The following GHRHR variants were observed in gnomAD, a reference collection of about 807,000 sequenced individuals.
GHRHR encodes growth hormone releasing hormone receptor.
GHRHR carries 40 observed loss-of-function variants against 58.3 expected under a neutral mutation model. That is an observed-to-expected ratio of 0.69 (90% CI 0.53 to 0.89). The LOEUF (loss-of-function observed/expected upper bound fraction) is 0.89. Ranked by LOEUF, GHRHR falls within the 40% of genes least tolerant of loss-of-function variation. GHRHR has a pLI of 0.00. For synonymous variants in GHRHR, 249 were observed against 216.6 expected (o/e 1.15, Z -1.31); for missense variants, 551 against 541.3 (o/e 1.02, Z -0.18).
intron 7 of GHRHR, 52 bp downstream of exon 7, chr7:30,974,190 G>A (rs757013451): frequency 6.3e-7 from 1 of 1,582,362 alleles, no homozygotes; most frequent in South Asian, 1.1e-5. Flanking sequence ...GGCTGGAAAG[G>A]CCCAGGGAGT....
chr7:30,968,248 G>T (rs2128596972), intron 1 of GHRHR, among the ~76,000 whole-genome samples: 1 of 152,256 alleles, frequency 6.6e-6, no homozygotes, highest in Middle Eastern at 3.4e-3. Context: ...GGACATCTTT[G>T]GGGGCCATTA....
chr7:30,969,011 G>T lies in GHRHR; in HGVS notation c.161-52G>T, dbSNP rs373112876. The T allele has an allele frequency of 3.2e-5, 50 of 1,541,216 alleles. No homozygotes were observed. In the Middle Eastern group the frequency reaches 6.7e-4, roughly 21 times the overall value. On this transcript the variant is annotated intron_variant, in intron 2 of 12. Coordinates refer to ENST00000326139, the MANE Select transcript of GHRHR (RefSeq NM_000823.4). ...TCCAGCCTCACCCCTCGGATTATTG[G>T]GACAGCCCTGCACCTGGGCTGAGTC...
In GHRHR at chr7:30,969,051, CT is replaced by C. The variant is rs1562592831; in HGVS notation, c.161-11del. ...TGGGCTGAGTCTCTGCTGCTCCTGG[CT>C]CTCTATCCAGGCTGCCCTGCGACCT... On this transcript the variant is annotated splice_polypyrimidine_tract_variant and intron_variant, in intron 2 of 12. Transcript: ENST00000326139. The C allele has an allele frequency of 6.4e-7, 1 of 1,571,232 alleles. No homozygotes were observed. The highest frequency in any genetic ancestry group is 1.9e-5 in the Admixed American group (1 of 53,766).
Position 30,971,950 on chromosome 7 carries a change from C to A in GHRHR, c.465-13C>A, listed in dbSNP as rs565915585. On this transcript the variant is annotated splice_polypyrimidine_tract_variant and intron_variant, in intron 5 of 12. Transcript: ENST00000326139. ...GCTTGCTTCTTGTTCCTCATTTCTC[C>A]CATTACCCCCAGGAGGCTCCACTGC... 5 of 1,613,538 alleles carry A rather than the reference C, an allele frequency of 3.1e-6. No individual in the cohort carries two copies. In the East Asian group the frequency reaches 8.9e-5, roughly 29 times the overall value.
Position 30,971,114 on chromosome 7 carries a change from C to G in GHRHR, c.367-5C>G. The G allele has an allele frequency of 7.5e-7, 1 of 1,327,636 alleles. No homozygotes were observed. Among genetic ancestry groups the G allele is most frequent in the Non-Finnish European group, 1.1e-6 (1 of 941,856 alleles). 82.2% of individuals were successfully genotyped at this position (1,327,636 alleles called of 1,614,324 possible). The stretch of plus-strand genomic sequence containing the variant: ...GAGACTTTCTTCTGTCTCTGCCCTT[C>G]CCAGGAATCTTACTTCTCCACAGTG... On this transcript the variant is annotated splice_region_variant and splice_polypyrimidine_tract_variant and intron_variant, in intron 4 of 12. Transcript: ENST00000326139.
rs780426452 is a variant in GHRHR, at chr7:30,976,480, C to T, written c.1026C>T (p.Tyr342=). 46 of 1,612,762 alleles carry T rather than the reference C, an allele frequency of 2.9e-5. No homozygotes were observed. Among genetic ancestry groups the T allele is most frequent in the Non-Finnish European group, 3.7e-5 (44 of 1,178,916 alleles). The part of the protein sequence containing the change: ...LFLIPLFGIH[Y]IIFNFLPDNA... Reference sequence around the variant, plus strand: ...TGATCCCACTCTTTGGAATTCACTACATCATCTTCAACTTCCTGCCAGACA... The same window carrying T: ...TGATCCCACTCTTTGGAATTCACTATATCATCTTCAACTTCCTGCCAGACA... The change falls in exon 11 of 13, where the codon TAC becomes TAT. Residue 342 remains tyrosine, a synonymous_variant. Transcript: ENST00000326139.
intron 9 of GHRHR, 23 bp from the exon 10 acceptor site, chr7:30,975,754 C>G: frequency 6.8e-7 from 1 of 1,465,380 alleles, no homozygotes; most frequent in Non-Finnish European, 9.6e-7. Context: ...TTGTCTTCCA[C>G]CTTCCTATGC....
At chr7:30,970,015 G>A (rs779321000) in intron 4 of GHRHR, 51 bp downstream of exon 4, 1 of 823,308 alleles carries the variant, frequency 1.2e-6, no homozygotes, top group South Asian at 1.3e-5. Context: ...ACATTTGTAT[G>A]GGTGGGTGCA....
intron 3 of GHRHR, 80 bp from the exon 4 acceptor site, chr7:30,969,787 C>A: frequency 7.3e-7 from 1 of 1,373,996 alleles, no homozygotes; most frequent in Non-Finnish European, 1.0e-6. Flanking sequence ...GCCAGGGTCA[C>A]TTGATGGTCC....
At chr7:30,965,981 C>G (rs1428618991) in intron 1 of GHRHR, among the ~76,000 whole-genome samples, 1 of 152,182 alleles carries the variant, frequency 6.6e-6, no homozygotes, top group Non-Finnish European at 1.5e-5. Flanking sequence ...GGGCACCCAC[C>G]AAAATAAGAC....
At chr7:30,967,478 C>T (rs76161416) in intron 1 of GHRHR, among the ~76,000 whole-genome samples, 5,657 of 152,278 alleles carry the variant, frequency 0.037, 168 homozygotes, top group African/African-American at 0.081. Flanking sequence ...TATAATCTTT[C>T]AAGGTTGCTC....
At chr7:30,967,209 G>A (rs937828692) in intron 1 of GHRHR, among the ~76,000 whole-genome samples, 3 of 152,172 alleles carry the variant, frequency 2.0e-5, no homozygotes, top group Middle Eastern at 3.2e-3. Flanking sequence ...GGTTTGGGGC[G>A]GTGGGAGGGA....
At position 30,972,064 on chromosome 7, in the gene GHRHR, GCGA is replaced by G. The variant is rs528011334; in HGVS notation, c.571_573del (p.Asp191del). ...CTGAAGGATGCTGCCCTTTTCCACAGCGACGACACTGACCACTGCAGCTTCTCC... is the reference window on the plus strand; with the variant it reads ...CTGAAGGATGCTGCCCTTTTCCACAGCGACACTGACCACTGCAGCTTCTCC... On this transcript the variant is annotated inframe_deletion, in exon 6 of 13. Coordinates refer to ENST00000326139, the MANE Select transcript of GHRHR (RefSeq NM_000823.4). 2 of 1,614,076 alleles carry G rather than the reference GCGA, an allele frequency of 1.2e-6. No individual in the cohort carries two copies. The highest frequency in any genetic ancestry group is 2.2e-5 in the South Asian group (2 of 91,074).
At chr7:30,976,116 G>T (rs1792580164) in intron 10 of GHRHR, 2 of 579,110 alleles carry the variant, frequency 3.5e-6, no homozygotes, top group South Asian at 2.0e-5. Flanking sequence ...ATGGGAGCCT[G>T]GGGAGAGGGA....
In GHRHR at chr7:30,979,149, G is replaced by T; in HGVS notation, c.1177G>T (p.Gly393Cys). ...VRTEISRKWHGHDPELLPAWR... is the reference protein window; with the variant it reads ...VRTEISRKWHCHDPELLPAWR... ...GACTGAGATCTCACGGAAGTGGCAT[G>T]GCCATGACCCTGAGCTTCTGCCAGC... The change falls in exon 13 of 13, where the codon GGC becomes TGC. Residue 393 changes from glycine to cysteine, a missense_variant. Transcript: ENST00000326139. 1 of 1,613,562 alleles carries T rather than the reference G, an allele frequency of 6.2e-7. No homozygotes were observed. Among genetic ancestry groups the T allele is most frequent in the Non-Finnish European group, 8.5e-7 (1 of 1,179,478 alleles).
intron 1 of GHRHR, among the ~76,000 whole-genome samples, chr7:30,968,310 G>C (rs1164808565): frequency 6.6e-6 from 1 of 152,110 alleles, no homozygotes; most frequent in Non-Finnish European, 1.5e-5. Flanking sequence ...GGAGTGGAGA[G>C]CAAGGAGAAT....
chr7:30,975,478 C>T (rs1792558400), intron 9 of GHRHR, among the ~76,000 whole-genome samples: 1 of 152,182 alleles, frequency 6.6e-6, no homozygotes, highest in Non-Finnish European at 1.5e-5. Context: ...AAGTGAGGGA[C>T]ATCTGCTTTG....
intron 3 of GHRHR, 67 bp downstream of exon 3, chr7:30,969,237 C>A (rs1262430916): frequency 1.8e-6 from 2 of 1,140,306 alleles, no homozygotes; most frequent in Non-Finnish European, 2.6e-6. Flanking sequence ...AGAATCATCA[C>A]TGGATTTGGG....
chr7:30,972,185 C>A, intron 6 of GHRHR, 90 bp downstream of exon 6: 7 of 1,455,542 alleles, frequency 4.8e-6, no homozygotes, highest in African/African-American at 4.2e-5. Flanking sequence ...GCTTCCCTGC[C>A]CTGTGGGCTG....
Sources: allele counts gnomAD v4.1 joint callset (sites outside exome capture counted in the v4.1 genomes callset), GRCh38; gene constraint gnomAD v4.1.1; transcripts MANE v1.5; gene names NCBI Gene and HGNC (gene_info 2026-07-23, HGNC 2026-07-21).